Variants in PHF20 observed in about 807,000 individuals in gnomAD.
PHF20 encodes glioma-expressed antigen 2.
In PHF20, 23 loss-of-function variants were observed where a neutral mutation model predicts 113.5. That is an observed-to-expected ratio of 0.20 (90% CI 0.15 to 0.29). The LOEUF (loss-of-function observed/expected upper bound fraction) is 0.29. Ranked by LOEUF, PHF20 falls within the 10% of genes least tolerant of loss-of-function variation. The pLI, the probability that PHF20 is intolerant of heterozygous loss-of-function variation, is 1.00. For missense variants in PHF20, 943 were observed against 1,219.6 expected (o/e 0.77, Z 3.38); for synonymous variants, 434 against 457.3 (o/e 0.95, Z 0.65).
chr20:35,857,871 A>G (rs1235138287), intron 4 of PHF20, among the ~76,000 whole-genome samples: 3 of 152,208 alleles, frequency 2.0e-5, no homozygotes, highest in Non-Finnish European at 1.5e-5. Context: ...GGCGTGAGCC[A>G]TGATGTTCCT....
chr20:35,939,150 A>G (rs1381310712), intron 16 of PHF20, 42 bp downstream of exon 16: 11 of 1,524,130 alleles, frequency 7.2e-6, no homozygotes, highest in South Asian at 5.0e-5. Context: ...CATTGCGTGA[A>G]TGCTTGCAAG....
intron 2 of PHF20, among the ~76,000 whole-genome samples, chr20:35,835,179 G>A (rs769343815): frequency 6.6e-6 from 1 of 152,116 alleles, no homozygotes; most frequent in African/African-American, 2.4e-5. Context: ...GGAGGCTGAG[G>A]CAGGAGAATC....
intron 9 of PHF20, among the ~76,000 whole-genome samples, chr20:35,873,848 C>T (rs908917103): frequency 6.6e-6 from 1 of 152,186 alleles, no homozygotes; most frequent in East Asian, 1.9e-4. Context: ...CTTAACTTCT[C>T]ACAGTTCACT....
At chr20:35,886,834 T>C (rs1414809935) in intron 9 of PHF20, among the ~76,000 whole-genome samples, 1 of 152,134 alleles carries the variant, frequency 6.6e-6, no homozygotes, top group East Asian at 1.9e-4. Flanking sequence ...CAGGGAGGAA[T>C]GGCAGGAAGA....
At chr20:35,821,537 TG>T (rs2042169267) in intron 2 of PHF20, among the ~76,000 whole-genome samples, 1 of 145,454 alleles carries the variant, frequency 6.9e-6, no homozygotes, top group African/African-American at 2.5e-5. Flanking sequence ...TGTGTACCCG[TG>T]GTCCCAGCTA....
chr20:35,816,692 T>G (rs528421736), intron 2 of PHF20, among the ~76,000 whole-genome samples: 2 of 152,160 alleles, frequency 1.3e-5, no homozygotes, highest in South Asian at 4.1e-4. Context: ...GACCTTATGA[T>G]TCGCCCGCCT....
At chr20:35,915,482 A>T (rs1393482862) in intron 12 of PHF20, among the ~76,000 whole-genome samples, 3 of 151,712 alleles carry the variant, frequency 2.0e-5, no homozygotes, top group African/African-American at 4.9e-5. Flanking sequence ...TGCCTCCTGG[A>T]TTCAAGCAAT....
chr20:35,847,971 G>T (rs1357966874), intron 4 of PHF20, among the ~76,000 whole-genome samples: 1 of 152,096 alleles, frequency 6.6e-6, no homozygotes. Flanking sequence ...GCTCAATTTT[G>T]CTAGTAAAAG....
At chr20:35,927,154 G>A (rs954891515) in intron 13 of PHF20, among the ~76,000 whole-genome samples, 1 of 152,176 alleles carries the variant, frequency 6.6e-6, no homozygotes. Context: ...GTTTAGCAAC[G>A]AGTCAGGTTA....
At chr20:35,922,595 T>C (rs1182806676) in intron 13 of PHF20, among the ~76,000 whole-genome samples, 1 of 152,240 alleles carries the variant, frequency 6.6e-6, no homozygotes, top group African/African-American at 2.4e-5. Flanking sequence ...CACTGGAAGG[T>C]TAAAATCCTA....
At chr20:35,811,195 C>T (rs1423741834) in intron 2 of PHF20, among the ~76,000 whole-genome samples, 10 of 151,952 alleles carry the variant, frequency 6.6e-5, no homozygotes, top group South Asian at 4.2e-4. Flanking sequence ...TACAGGTGTG[C>T]GTCACCACGC....
intron 13 of PHF20, among the ~76,000 whole-genome samples, chr20:35,921,911 C>T (rs2055524433): frequency 6.6e-6 from 1 of 152,098 alleles, no homozygotes; most frequent in Non-Finnish European, 1.5e-5. Context: ...AATGTCCCTC[C>T]TGGCAGGGCT....
intron 2 of PHF20, among the ~76,000 whole-genome samples, chr20:35,804,273 G>A (rs1169317741): frequency 1.5e-5 from 2 of 132,138 alleles, no homozygotes; most frequent in African/African-American, 2.9e-5. Context: ...TTGCTCAGTC[G>A]CCCAGGCTGG....
intron 2 of PHF20, 97 bp from the exon 3 acceptor site, chr20:35,842,473 CCTT>C: frequency 9.4e-7 from 1 of 1,068,192 alleles, no homozygotes; most frequent in East Asian, 2.4e-5. Flanking sequence ...GGCCTGGTAA[CCTT>C]CTCCTTTGGG....
intron 6 of PHF20, among the ~76,000 whole-genome samples, chr20:35,864,104 G>A (rs1004011203): frequency 6.6e-5 from 10 of 152,200 alleles, no homozygotes; most frequent in Admixed American, 5.9e-4. Context: ...AGGCCCCCCC[G>A]GTTCTCTGGA....
chr20:35,917,416 C>T (rs1600931963), intron 12 of PHF20, 68 bp from the exon 13 acceptor site: 1 of 1,347,516 alleles, frequency 7.4e-7, no homozygotes, highest in Non-Finnish European at 1.0e-6. Context: ...ATTTTTCATT[C>T]TTGACAATCA....
chr20:35,925,241 ATT>A (rs2055603666), intron 13 of PHF20, among the ~76,000 whole-genome samples: 1 of 145,006 alleles, frequency 6.9e-6, no homozygotes. Context: ...GAAGCTATTA[ATT>A]TATTATTTTA....
chr20:35,816,041 C>G (rs1351953845), intron 2 of PHF20, among the ~76,000 whole-genome samples: 2 of 152,242 alleles, frequency 1.3e-5, no homozygotes, highest in Middle Eastern at 3.4e-3. Flanking sequence ...ACAGCAACCT[C>G]CATCTCCGGG....
chr20:35,877,678 A>C (rs1382659954), intron 9 of PHF20, among the ~76,000 whole-genome samples: 1 of 151,894 alleles, frequency 6.6e-6, no homozygotes, highest in Admixed American at 6.6e-5. Flanking sequence ...CCTGGTCTCA[A>C]GTGATCTCCT....
Sources: gnomAD v4.1 joint callset for allele counts (sites outside exome capture counted in the v4.1 genomes callset) on GRCh38, gnomAD v4.1.1 for gene constraint, MANE v1.5 for transcripts, NCBI Gene and HGNC (gene_info 2026-07-23, HGNC 2026-07-21) for gene names.